PDE4D: variants seen among roughly 807,000 people sequenced by gnomAD.
The protein encoded by PDE4D is phosphodiesterase 4D, also known as 3',5'-cyclic-AMP phosphodiesterase 4D.
Under a neutral mutation model 87.4 loss-of-function variants are expected in PDE4D, and 24 were observed. The observed-to-expected ratio is 0.27, with a 90% CI of 0.20 to 0.39. The LOEUF (loss-of-function observed/expected upper bound fraction) is 0.39, where lower values mean the gene tolerates loss of function less well. Ranked by LOEUF, PDE4D falls within the 10% of genes least tolerant of loss-of-function variation. PDE4D has a pLI of 1.00. For missense variants in PDE4D, 714 were observed against 1,041.0 expected, an observed-to-expected ratio of 0.69 and a Z score of 4.32; for synonymous variants, 384 against 383.2, an observed-to-expected ratio of 1.00 and a Z score of -0.02.
chr5:59,760,567 A>T (rs1761845604), intron 1 of PDE4D, among the ~76,000 whole-genome samples: 1 of 152,198 alleles, frequency 6.6e-6, no homozygotes, highest in East Asian at 1.9e-4. Flanking sequence ...GTATAAATTG[A>T]CAATGTTTTC....
At chr5:59,610,095 T>G (rs1828793913) in intron 1 of PDE4D, among the ~76,000 whole-genome samples, 1 of 152,180 alleles carries the variant, frequency 6.6e-6, no homozygotes, top group South Asian at 2.1e-4. Flanking sequence ...GGTTGGTGTC[T>G]GCCGTTAGGC....
intron 6 of PDE4D, among the ~76,000 whole-genome samples, chr5:58,996,059 G>A (rs1328258931): frequency 3.3e-5 from 5 of 152,096 alleles, no homozygotes; most frequent in Non-Finnish European, 7.4e-5. Context: ...AACACCACAT[G>A]TTCTCACTCA....
At chr5:60,283,062 T>A (rs1340927355) in intron 1 of PDE4D, among the ~76,000 whole-genome samples, 1 of 152,190 alleles carries the variant, frequency 6.6e-6, no homozygotes, top group African/African-American at 2.4e-5. Context: ...ATATCTTTAC[T>A]GATTTTCTGT....
chr5:60,088,236 G>T (rs567092136), intron 2 of PDE4D, among the ~76,000 whole-genome samples: 1 of 150,796 alleles, frequency 6.6e-6, no homozygotes, highest in African/African-American at 2.4e-5. Context: ...ACGACACTTC[G>T]CCTACAAAAA....
intron 1 of PDE4D, among the ~76,000 whole-genome samples, chr5:59,656,042 A>G (rs912491008): frequency 2.0e-5 from 3 of 152,120 alleles, no homozygotes; most frequent in African/African-American, 7.2e-5. Context: ...CACATACTCA[A>G]TTCATGCATA....
chr5:59,376,733 C>G (rs1191970334), intron 1 of PDE4D, among the ~76,000 whole-genome samples: 4 of 152,100 alleles, frequency 2.6e-5, no homozygotes, highest in African/African-American at 7.2e-5. Flanking sequence ...CTAAGGCAAT[C>G]CTCAGCAAAA....
At chr5:60,014,968 T>C (rs748679886) in intron 2 of PDE4D, among the ~76,000 whole-genome samples, 2 of 152,174 alleles carry the variant, frequency 1.3e-5, no homozygotes, top group Non-Finnish European at 2.9e-5. Flanking sequence ...TTGAGGGAAT[T>C]GGTAACATGT....
chr5:59,344,944 C>T (rs968432671), intron 1 of PDE4D, among the ~76,000 whole-genome samples: 1 of 152,098 alleles, frequency 6.6e-6, no homozygotes, highest in African/African-American at 2.4e-5. Context: ...CACATTTTGA[C>T]ATGGTACAAA....
intron 1 of PDE4D, among the ~76,000 whole-genome samples, chr5:60,470,818 A>G (rs1747762358): frequency 6.6e-6 from 1 of 152,238 alleles, no homozygotes; most frequent in Admixed American, 6.5e-5. Flanking sequence ...ATTACTGCTC[A>G]TTGACAATGC....
chr5:59,083,910 T>TA (rs1287668556), intron 5 of PDE4D, among the ~76,000 whole-genome samples: 1 of 152,088 alleles, frequency 6.6e-6, no homozygotes, highest in Non-Finnish European at 1.5e-5. Flanking sequence ...TTGGCAGGGA[T>TA]ATCATAAGGA....
chr5:60,258,034 C>T (rs990798644), intron 1 of PDE4D, among the ~76,000 whole-genome samples: 1 of 151,940 alleles, frequency 6.6e-6, no homozygotes, highest in Non-Finnish European at 1.5e-5. Context: ...ATGAAGCCTG[C>T]CACACACACC....
At chr5:59,157,047 T>G in intron 5 of PDE4D, 1 of 319,308 alleles carries the variant, frequency 3.1e-6, no homozygotes, top group Non-Finnish European at 5.6e-6. Flanking sequence ...AAGCCACATG[T>G]ATGTTGTTTT....
chr5:59,201,258 CTG>C (rs1388046150), intron 2 of PDE4D, among the ~76,000 whole-genome samples: 5 of 151,936 alleles, frequency 3.3e-5, no homozygotes, highest in African/African-American at 1.2e-4. Flanking sequence ...ACATGAGAAA[CTG>C]GGCTGCACAG....
intron 3 of PDE4D, among the ~76,000 whole-genome samples, chr5:59,907,581 T>C (rs2196281): frequency 0.14 from 20,725 of 152,130 alleles, 1,769 homozygotes; most frequent in African/African-American, 0.23. Context: ...CATGTACCCC[T>C]GAACCTAAAA....
intron 2 of PDE4D, chr5:60,147,860 G>C (rs1781152599): frequency 2.2e-6 from 1 of 449,594 alleles, no homozygotes; most frequent in Non-Finnish European, 4.5e-6. Flanking sequence ...TTGACAGCTA[G>C]CTGCCTCCAG....
At chr5:59,949,849 G>A (rs1197008701) in intron 3 of PDE4D, among the ~76,000 whole-genome samples, 1 of 152,046 alleles carries the variant, frequency 6.6e-6, no homozygotes, top group Non-Finnish European at 1.5e-5. Context: ...CCTAGCAGAG[G>A]ACACCTCCAT....
chr5:59,473,244 A>C (rs16889882), intron 1 of PDE4D, among the ~76,000 whole-genome samples: 29,860 of 152,038 alleles, frequency 0.2, 3,119 homozygotes, highest in Admixed American at 0.22. Flanking sequence ...CAACTATACT[A>C]ATGCCTCTCA....
chr5:60,054,644 C>A (rs1042003928), intron 2 of PDE4D, among the ~76,000 whole-genome samples: 3 of 151,542 alleles, frequency 2.0e-5, no homozygotes, highest in Admixed American at 6.6e-5. Flanking sequence ...CAAACCTGCA[C>A]ATTCTACACA....
chr5:60,176,575 T>C (rs527431047), intron 2 of PDE4D, among the ~76,000 whole-genome samples: 1 of 152,304 alleles, frequency 6.6e-6, no homozygotes, highest in African/African-American at 2.4e-5. Flanking sequence ...CATTGATTTT[T>C]CCATGTCTTT....
Sources: gnomAD v4.1 joint callset for allele counts (sites outside exome capture counted in the v4.1 genomes callset) on GRCh38, gnomAD v4.1.1 for gene constraint, MANE v1.5 for transcripts, NCBI Gene and HGNC (gene_info 2026-07-23, HGNC 2026-07-21) for gene names.